HAUS1: variants seen among roughly 807,000 people sequenced by gnomAD.
HAUS1 encodes the protein HAUS augmin like complex subunit 1, also known as HAUS augmin-like complex subunit 1.
In HAUS1, 25 loss-of-function variants were observed where a neutral mutation model predicts 38.6. The ratio of observed to expected loss-of-function variants is 0.65; its 90% CI spans 0.47 to 0.91. The LOEUF is 0.91. HAUS1 is among the 40% of genes least tolerant of loss of function. The pLI, the probability that HAUS1 is intolerant of heterozygous loss-of-function variation, is 0.00. For missense variants in HAUS1, 325 were observed against 328.4 expected (o/e 0.99, Z 0.08); for synonymous variants, 109 against 112.9 (o/e 0.97, Z 0.22).
At chr18:46,125,275 G>A (rs900758398) in intron 7 of HAUS1, among the ~76,000 whole-genome samples, 2 of 151,486 alleles carry the variant, frequency 1.3e-5, no homozygotes, top group African/African-American at 4.9e-5. Flanking sequence ...AAAAGGCTGG[G>A]CATGATGGCT....
intron 5 of HAUS1, among the ~76,000 whole-genome samples, chr18:46,122,892 G>A (rs959231182): frequency 1.3e-5 from 2 of 152,124 alleles, no homozygotes; most frequent in Non-Finnish European, 2.9e-5. Context: ...TATACTTGTA[G>A]CTCCTCTTTA....
Position 46,122,542 on chromosome 18 carries a change from T to C in HAUS1, c.552T>C (p.Phe184=), listed in dbSNP as rs771687069. 3.7e-6 allele frequency: 6 copies of C among 1,614,042 alleles called. No homozygotes were observed. The African/African-American group carries it at 5.3e-5, about 14-fold the overall frequency. ...ATAATCGTCGTCAGAACATGGACTT[T>C]CTAAAAGCAAAGTCAGAGGAATTCA... is the stretch of plus-strand genomic sequence containing the variant. ...KVDNRRQNMD[F]LKAKSEEFRF... is the part of the protein sequence containing the mutation. Residue 184 remains phenylalanine, a synonymous_variant, in exon 5 of 9, where the codon TTT becomes TTC. Transcript: ENST00000282058.
rs1263221786 is a variant in HAUS1 at position 46,118,233 on chromosome 18, T to A, written c.258T>A (p.Asn86Lys). 5 of 1,612,348 alleles carry A rather than the reference T, an allele frequency of 3.1e-6. No individual in the cohort carries two copies. The highest frequency in any genetic ancestry group is 4.5e-5 in the East Asian group (2 of 44,884). ...LMESVNFSPANLSSTGSRYLN... is the reference protein window; with the variant it reads ...LMESVNFSPAKLSSTGSRYLN... ...AGAGTGTGAATTTTTCCCCCGCCAATCTCTCTAGCACTGGTTCCAGGTATC... is the reference window on the plus strand; with the variant it reads ...AGAGTGTGAATTTTTCCCCCGCCAAACTCTCTAGCACTGGTTCCAGGTATC... Residue 86 changes from asparagine (N) to lysine (K), a missense_variant, in exon 3 of 9, where the codon AAT becomes AAA. Transcript: ENST00000282058.
In HAUS1 at chr18:46,128,322, C is replaced by A. The variant is rs926340644; in HGVS notation, c.*197C>A. On this transcript the variant is annotated 3_prime_UTR_variant, in exon 9 of 9. Transcript: ENST00000282058. Reference sequence around the variant, plus strand: ...AATACATAGTTTTCATATTAAAAAGCCTTTTCTCTTACTTTGTTTCTGTGT... The same window carrying A: ...AATACATAGTTTTCATATTAAAAAGACTTTTCTCTTACTTTGTTTCTGTGT... 24 of 440,450 alleles carry A rather than the reference C, an allele frequency of 5.4e-5. No individual in the cohort carries two copies. Among genetic ancestry groups the A allele is most frequent in the African/African-American group, 4.1e-4 (20 of 48,920 alleles). The allele number at this position is 440,450 out of a possible 1,614,324, so 27.3% of individuals were successfully genotyped here. A position where few individuals can be genotyped will look rare whatever the true frequency, so the allele number is the denominator to read the frequency against.
intron 2 of HAUS1, among the ~76,000 whole-genome samples, chr18:46,110,137 A>G (rs1006929989): frequency 6.9e-6 from 1 of 145,422 alleles, no homozygotes; most frequent in Non-Finnish European, 1.5e-5. Flanking sequence ...TCTATCTAGC[A>G]GACTTTATTT....
chr18:46,122,645 C>T (rs903465318), intron 5 of HAUS1, 55 bp downstream of exon 5: 63 of 1,591,064 alleles, frequency 4.0e-5, no homozygotes, highest in African/African-American at 5.4e-5. Flanking sequence ...TTTTTACCAT[C>T]ATCCTCACAG....
In HAUS1 at chr18:46,118,234, C is replaced by G; in HGVS notation, c.259C>G (p.Leu87Val). The change falls in exon 3 of 9, where the codon CTC (leucine) becomes GTC (valine). Residue 87 changes from leucine (L) to valine (V), a missense_variant. By Grantham distance (32) the Leu-to-Val change is conservative (BLOSUM62 1). Transcript: ENST00000282058. Reference protein sequence around the residue: ...MESVNFSPANLSSTGSRYLNA... With the variant: ...MESVNFSPANVSSTGSRYLNA... ...GAGTGTGAATTTTTCCCCCGCCAAT[C>G]TCTCTAGCACTGGTTCCAGGTATCT... The G allele has an allele frequency of 6.2e-7, 1 of 1,612,408 alleles. No homozygotes were observed. Among genetic ancestry groups the G allele is most frequent in the Non-Finnish European group, 8.5e-7 (1 of 1,179,876 alleles).
At chr18:46,125,509 T>G (rs914143524) in intron 7 of HAUS1, among the ~76,000 whole-genome samples, 1 of 146,604 alleles carries the variant, frequency 6.8e-6, no homozygotes, top group Non-Finnish European at 1.5e-5. Context: ...ATTGAGCCAC[T>G]GCACTCCAGC....
chr18:46,125,637 T>C, intron 7 of HAUS1, 107 bp from the exon 8 acceptor site: 1 of 679,094 alleles, frequency 1.5e-6, no homozygotes, highest in South Asian at 1.8e-5. Context: ...ACATTGGGTA[T>C]CCCTCTGGGA....
chr18:46,125,694 G>T, intron 7 of HAUS1, 50 bp from the exon 8 acceptor site: 1 of 1,265,326 alleles, frequency 7.9e-7, no homozygotes, highest in South Asian at 1.3e-5. Flanking sequence ...TTTCTCCTTG[G>T]GTCTGAATTG....
In HAUS1 at chr18:46,125,695, G is replaced by A. The variant is rs970218143; in HGVS notation, c.739-49G>A. ...ATTATGGCATTATTTTTCTCCTTGGGTCTGAATTGAGGCAATATAACCTTT... is the reference window on the plus strand; with the variant it reads ...ATTATGGCATTATTTTTCTCCTTGGATCTGAATTGAGGCAATATAACCTTT... On this transcript the variant is annotated intron_variant, in intron 7 of 8. Coordinates refer to ENST00000282058, the MANE Select transcript of HAUS1 (RefSeq NM_138443.4). 7.0e-6 allele frequency: 9 copies of A among 1,280,492 alleles called. No homozygotes were observed. In the Admixed American group the frequency reaches 1.5e-4, roughly 22 times the overall value. The allele number at this position is 1,280,492 out of a possible 1,614,324, so 79.3% of individuals were successfully genotyped here.
Position 46,120,002 on chromosome 18 carries a change from C to T in HAUS1, c.418C>T (p.Leu140=), listed in dbSNP as rs1173358893. ...KSKSEEIKIE[L]EKLEKNLTAT... ...CAAAAGTGAAGAAATCAAGATTGAA[C>T]TGGAAAAACTTGAAAAAAATTTAAC... is the stretch of plus-strand genomic sequence containing the variant. Residue 140 remains leucine, a synonymous_variant, in exon 4 of 9, where the codon CTG becomes TTG. Transcript: ENST00000282058. 5 of 1,607,948 alleles carry T rather than the reference C, an allele frequency of 3.1e-6. No individual in the cohort carries two copies. Among genetic ancestry groups the T allele is most frequent in the Non-Finnish European group, 4.2e-6 (5 of 1,176,630 alleles).
intron 2 of HAUS1, chr18:46,109,590 T>G (rs979067210): frequency 2.0e-5 from 3 of 152,164 alleles, no homozygotes; most frequent in African/African-American, 7.2e-5. Flanking sequence ...GTATGTGTAT[T>G]CTCTTGTTGG....
At chr18:46,108,270 T>TC (rs1472788442) in intron 2 of HAUS1, among the ~76,000 whole-genome samples, 1 of 146,486 alleles carries the variant, frequency 6.8e-6, no homozygotes, top group African/African-American at 2.7e-5. Context: ...GGAATTTACT[T>TC]CTTTTTTTTT....
intron 7 of HAUS1, 87 bp from the exon 8 acceptor site, chr18:46,125,657 C>A: frequency 2.3e-6 from 2 of 868,258 alleles, no homozygotes. Flanking sequence ...AGGATTTTTG[C>A]CTTTTGAAAA....
At chr18:46,108,773 T>C (rs1911540182) in intron 2 of HAUS1, among the ~76,000 whole-genome samples, 1 of 152,014 alleles carries the variant, frequency 6.6e-6, no homozygotes, top group Non-Finnish European at 1.5e-5. Flanking sequence ...AGACTGGGTA[T>C]AAAGAAAAGA....
At chr18:46,105,550 ATG>A (rs34943742) in intron 2 of HAUS1, 182 bp downstream of exon 2, 24,932 of 268,832 alleles carry the variant, frequency 0.093, 992 homozygotes, top group East Asian at 0.16. Context: ...ATGTATATGT[ATG>A]TGTGTGTGTG....
intron 4 of HAUS1, chr18:46,121,707 T>G (rs2144262324): frequency 6.6e-6 from 1 of 152,280 alleles, no homozygotes; most frequent in Admixed American, 6.6e-5. Context: ...GTATATGAGC[T>G]GCCAAAGTGA....
At chr18:46,127,021 A>T (rs913140274) in intron 8 of HAUS1, among the ~76,000 whole-genome samples, 1 of 151,742 alleles carries the variant, frequency 6.6e-6, no homozygotes, top group Non-Finnish European at 1.5e-5. Flanking sequence ...TTTTAGTAGG[A>T]CGGGGTTTTG....
Sources: allele counts gnomAD v4.1 joint callset (sites outside exome capture counted in the v4.1 genomes callset), GRCh38; gene constraint gnomAD v4.1.1; transcripts MANE v1.5; gene names NCBI Gene and HGNC (gene_info 2026-07-23, HGNC 2026-07-21).